The following IL27RA variants were observed in gnomAD, a reference collection of about 807,000 sequenced individuals.
IL27RA encodes the protein interleukin-27 receptor subunit alpha.
IL27RA carries 61 observed loss-of-function variants against 80.8 expected under a neutral mutation model. The ratio of observed to expected loss-of-function variants is 0.76; its 90% CI spans 0.61 to 0.93. The LOEUF is 0.93. Among genes scored for constraint, IL27RA ranks in the 40% least tolerant of loss-of-function variants. IL27RA has a pLI of 0.00. For missense variants in IL27RA, 735 were observed against 808.1 expected (o/e 0.91, Z 1.10); for synonymous variants, 316 against 332.5 (o/e 0.95, Z 0.54).
intron 10 of IL27RA, among the ~76,000 whole-genome samples, chr19:14,049,639 T>C (rs1976128772): frequency 6.7e-6 from 1 of 150,332 alleles, no homozygotes; most frequent in African/African-American, 2.5e-5. Flanking sequence ...TGGAGTGCAA[T>C]GGCACGATCT....
chr19:14,050,188 G>T (rs1976138192), intron 10 of IL27RA, among the ~76,000 whole-genome samples: 1 of 151,768 alleles, frequency 6.6e-6, no homozygotes, highest in South Asian at 2.1e-4. Flanking sequence ...GTATGAGATG[G>T]TGATAAGTGC....
chr19:14,038,674 C>T (rs1035861938), intron 2 of IL27RA, among the ~76,000 whole-genome samples: 1 of 150,862 alleles, frequency 6.6e-6, no homozygotes, highest in African/African-American at 2.4e-5. Context: ...CACCTGAGGT[C>T]GGGAGTTCGA....
intron 2 of IL27RA, among the ~76,000 whole-genome samples, chr19:14,035,674 C>T (rs1389602921): frequency 6.6e-6 from 1 of 152,028 alleles, no homozygotes; most frequent in Non-Finnish European, 1.5e-5. Flanking sequence ...GGATTACAGG[C>T]AGAAGCCACT....
intron 4 of IL27RA, among the ~76,000 whole-genome samples, chr19:14,040,666 C>CA (rs1197747087): frequency 6.6e-6 from 1 of 151,754 alleles, no homozygotes; most frequent in Admixed American, 6.6e-5. Flanking sequence ...ACTAAAAATA[C>CA]AAAAAAGTAG....
intron 4 of IL27RA, among the ~76,000 whole-genome samples, chr19:14,040,171 C>T (rs771667103): frequency 1.3e-5 from 2 of 151,996 alleles, no homozygotes. Context: ...CGAGACCAGC[C>T]TGGCCAACAT....
chr19:14,050,700 G>A (rs1222336077), intron 10 of IL27RA, 58 bp from the exon 11 acceptor site: 7 of 1,560,816 alleles, frequency 4.5e-6, no homozygotes, highest in Non-Finnish European at 6.1e-6. Flanking sequence ...AAGAGCACAT[G>A]CAAAGGCCCT....
rs1274869080 is a variant in IL27RA at position 14,051,612 on chromosome 19, A to G, written c.1534A>G (p.Thr512Ala). Residue 512 changes from threonine to alanine, a missense_variant, in exon 12 of 14, where the codon ACC (threonine) becomes GCC (alanine). Coordinates refer to ENST00000263379, the MANE Select transcript of IL27RA (RefSeq NM_004843.4). Reference sequence around the variant, plus strand: ...TCTCTTCCCTACCCTACCAGATAACACCCTGAGGTGGAAAGTTCTGCCGGG... The same window carrying G: ...TCTCTTCCCTACCCTACCAGATAACGCCCTGAGGTGGAAAGTTCTGCCGGG... ...PILRLHLPDN[T>A]LRWKVLPGIL... 1 of 1,599,948 alleles carries G rather than the reference A, an allele frequency of 6.3e-7. No individual in the cohort carries two copies. Among genetic ancestry groups the G allele is most frequent in the South Asian group, 1.1e-5 (1 of 90,202 alleles).
chr19:14,031,765 C>G lies in IL27RA; in HGVS notation c.-108C>G. 1.1e-6 allele frequency: 1 copy of G among 886,286 alleles called. No individual in the cohort carries two copies. The highest frequency in any genetic ancestry group is 1.7e-6 in the Non-Finnish European group (1 of 596,978). 54.9% of individuals were successfully genotyped at this position (886,286 alleles called of 1,614,324 possible). On this transcript the variant is annotated 5_prime_UTR_variant, in exon 1 of 14. Transcript: ENST00000263379. ...GCGGAGGCGGCCTGCCGGGGTGGTT[C>G]GGCTTCCCGTTGCCGCCTCGGGCGC...
Position 14,039,923 on chromosome 19 carries a change from G to C in IL27RA, c.534+13G>C. ...GGCCTGGACCCTGGTGAGTGCTGGG[G>C]TCCTTTTCTCCCCACCCTATTCCGG... On this transcript the variant is annotated intron_variant, in intron 4 of 13. Coordinates refer to ENST00000263379, the MANE Select transcript of IL27RA (RefSeq NM_004843.4). 1 of 1,613,012 alleles carries C rather than the reference G, an allele frequency of 6.2e-7. No individual in the cohort carries two copies. The highest frequency in any genetic ancestry group is 8.5e-7 in the Non-Finnish European group (1 of 1,179,418).
rs1976126093 is a variant in IL27RA at position 14,049,460 on chromosome 19, G to A, written c.1402+146G>A. ...ATTCCCTCTTGGCTATCAATGTAAC[G>A]AGCTTTCATTCGGCCATTAAAAATG... On this transcript the variant is annotated intron_variant, in intron 10 of 13. Transcript: ENST00000263379. 1.2e-5 allele frequency: 8 copies of A among 689,864 alleles called. No individual in the cohort carries two copies. The South Asian group carries it at 1.2e-4, about 11-fold the overall frequency. 42.7% of individuals were successfully genotyped at this position (689,864 alleles called of 1,614,324 possible). A position where few individuals can be genotyped will look rare whatever the true frequency, so the allele number is the denominator to read the frequency against.
chr19:14,051,616 T>C lies in IL27RA; in HGVS notation c.1538T>C (p.Leu513Pro). ...ILRLHLPDNT[L>P]RWKVLPGILF... The stretch of plus-strand genomic sequence containing the variant: ...TTCCCTACCCTACCAGATAACACCC[T>C]GAGGTGGAAAGTTCTGCCGGGCATC... Residue 513 changes from leucine (L) to proline (P), a missense_variant, in exon 12 of 14, where the codon CTG (leucine) becomes CCG (proline). Leu to Pro is a moderately conservative substitution (Grantham distance 98). Coordinates refer to ENST00000263379, the MANE Select transcript of IL27RA (RefSeq NM_004843.4). 6.2e-7 allele frequency: 1 copy of C among 1,606,212 alleles called. No homozygotes were observed.
At chr19:14,049,683 G>A (rs1270529822) in intron 10 of IL27RA, among the ~76,000 whole-genome samples, 1 of 150,704 alleles carries the variant, frequency 6.6e-6, no homozygotes, top group East Asian at 2.0e-4. Context: ...CCAGGTTCAA[G>A]CAATTCTCCT....
intron 4 of IL27RA, 92 bp downstream of exon 4, chr19:14,040,002 G>C: frequency 7.7e-7 from 1 of 1,305,772 alleles, no homozygotes; most frequent in Non-Finnish European, 1.1e-6. Context: ...GACTCATTCT[G>C]TGCCTGCCCC....
intron 2 of IL27RA, 25 bp downstream of exon 2, chr19:14,032,528 G>A (rs777121603): frequency 1.3e-6 from 2 of 1,531,672 alleles, no homozygotes; most frequent in South Asian, 1.1e-5. Context: ...GTGACGTGGG[G>A]AAACAGGCTT....
rs1213036259 is a variant in IL27RA at position 14,050,749 on chromosome 19, G to A, written c.1403-9G>A. The A allele has an allele frequency of 6.2e-7, 1 of 1,607,712 alleles. No individual in the cohort carries two copies. Among genetic ancestry groups the A allele is most frequent in the Admixed American group, 1.7e-5 (1 of 59,760 alleles). On this transcript the variant is annotated splice_polypyrimidine_tract_variant and intron_variant, in intron 10 of 13. Transcript: ENST00000263379. ...CCACCTCCCCAACTTCTTTGGTTGTGTTCTCCAGTGAGTGGCAACACACAG... is the reference window on the plus strand; with the variant it reads ...CCACCTCCCCAACTTCTTTGGTTGTATTCTCCAGTGAGTGGCAACACACAG...
chr19:14,033,822 G>T lies in IL27RA; in HGVS notation c.218+1319G>T, dbSNP rs532611423. Reference sequence around the variant, plus strand: ...TCCACTAAAAATACAAAGATTAGCCGATGTGGTGGTGCATGCCTGTAATCC... The same window carrying T: ...TCCACTAAAAATACAAAGATTAGCCTATGTGGTGGTGCATGCCTGTAATCC... On this transcript the variant is annotated intron_variant, in intron 2 of 13. Transcript: ENST00000263379. Among the ~76,000 whole-genome samples, 4 of 152,048 alleles carry T rather than the reference G, an allele frequency of 2.6e-5. No individual in the cohort carries two copies. In the East Asian group the frequency reaches 7.7e-4, roughly 29 times the overall value.
rs949606711 is a variant in IL27RA at position 14,052,626 on chromosome 19, C to A, written c.*336C>A. The A allele has an allele frequency of 8.8e-6, 2 of 227,014 alleles. No homozygotes were observed. The highest frequency in any genetic ancestry group is 1.7e-5 in the Non-Finnish European group (2 of 116,836). 14.1% of individuals were successfully genotyped at this position (227,014 alleles called of 1,614,324 possible). A position where few individuals can be genotyped will look rare whatever the true frequency, so the allele number is the denominator to read the frequency against. ...CACGCCTGTAATCCCAGCACTTTGG[C>A]AGGCCAAGGTGGAAGGATCACTTAG... On this transcript the variant is annotated 3_prime_UTR_variant, in exon 14 of 14. Transcript: ENST00000263379.
At position 14,042,497 on chromosome 19, in the gene IL27RA, C is replaced by T. The variant is rs1163094342; in HGVS notation, c.579C>T (p.Ile193=). ...CCATACCCCTGACCCCTGTTGAGAT[C>T]CAAGATTTGGAGCTAGCCACTGGCT... The part of the protein sequence containing the change: ...LKTIPLTPVE[I]QDLELATGYK... Residue 193 remains isoleucine (I), a synonymous_variant, in exon 5 of 14, where the codon ATC becomes ATT. Transcript: ENST00000263379. 1.9e-6 allele frequency: 3 copies of T among 1,614,072 alleles called. No homozygotes were observed. The highest frequency in any genetic ancestry group is 2.5e-6 in the Non-Finnish European group (3 of 1,180,036).
chr19:14,035,365 T>C (rs995380878), intron 2 of IL27RA, among the ~76,000 whole-genome samples: 5 of 151,870 alleles, frequency 3.3e-5, no homozygotes, highest in African/African-American at 1.2e-4. Flanking sequence ...CATGGTGCTA[T>C]CCCGGTTACC....
Sources: gnomAD v4.1 joint callset for allele counts (sites outside exome capture counted in the v4.1 genomes callset) on GRCh38, gnomAD v4.1.1 for gene constraint, MANE v1.5 for transcripts, NCBI Gene and HGNC (gene_info 2026-07-23, HGNC 2026-07-21) for gene names.